Variants in KCNN3 observed in about 807,000 individuals in gnomAD.
KCNN3 encodes small conductance calcium-activated potassium channel protein 3.
Under a neutral mutation model 62.9 loss-of-function variants are expected in KCNN3, and 16 were observed. The observed-to-expected ratio is 0.25, with a 90% confidence interval of 0.17 to 0.39. KCNN3 has a LOEUF of 0.39. Ranked by LOEUF, KCNN3 falls within the 10% of genes least tolerant of loss-of-function variation. The pLI is 1.00. For synonymous variants in KCNN3, 370 were observed against 389.2 expected (o/e 0.95, Z 0.58); for missense variants, 599 against 949.4 (o/e 0.63, Z 4.85).
At chr1:154,821,004 G>A (rs1474612351) in intron 2 of KCNN3, among the ~76,000 whole-genome samples, 3 of 152,160 alleles carry the variant, frequency 2.0e-5, no homozygotes, top group African/African-American at 2.4e-5. Flanking sequence ...GGATTTGAAC[G>A]GTGTTGTTAA....
intron 2 of KCNN3, among the ~76,000 whole-genome samples, chr1:154,799,292 G>A (rs1223659634): frequency 6.6e-6 from 1 of 152,232 alleles, no homozygotes; most frequent in Non-Finnish European, 1.5e-5. Flanking sequence ...AAAGAGGTCA[G>A]TGGTCTCCAG....
intron 2 of KCNN3, among the ~76,000 whole-genome samples, chr1:154,778,237 T>C (rs1648873477): frequency 6.6e-6 from 1 of 152,212 alleles, no homozygotes; most frequent in Admixed American, 6.5e-5. Flanking sequence ...CAAACTTTCC[T>C]TTAAGGAGCT....
intron 1 of KCNN3, among the ~76,000 whole-genome samples, chr1:154,835,669 C>T (rs1651558402): frequency 6.6e-6 from 1 of 152,168 alleles, no homozygotes; most frequent in South Asian, 2.1e-4. Context: ...AATTTCTTGG[C>T]ACAGAGGAGG....
intron 2 of KCNN3, among the ~76,000 whole-genome samples, chr1:154,815,318 T>C (rs1650616366): frequency 2.0e-5 from 3 of 152,090 alleles, no homozygotes; most frequent in Middle Eastern, 3.2e-3. Flanking sequence ...AGGCACAGCT[T>C]CCTTCTCTTT....
At chr1:154,838,234 C>T (rs1023274692) in intron 1 of KCNN3, among the ~76,000 whole-genome samples, 1 of 152,148 alleles carries the variant, frequency 6.6e-6, no homozygotes, top group Non-Finnish European at 1.5e-5. Context: ...GACCCTGAGG[C>T]CTCGACTTGG....
chr1:154,758,856 G>A (rs1017512453), intron 3 of KCNN3, among the ~76,000 whole-genome samples: 2 of 152,078 alleles, frequency 1.3e-5, no homozygotes, highest in Non-Finnish European at 2.9e-5. Flanking sequence ...TGCCCAGGCT[G>A]GAGTGCAATG....
intron 1 of KCNN3, among the ~76,000 whole-genome samples, chr1:154,833,496 C>T (rs531480740): frequency 2.0e-5 from 3 of 152,276 alleles, no homozygotes; most frequent in Non-Finnish European, 2.9e-5. Flanking sequence ...TGCCAACAAA[C>T]GTGAGACAGT....
chr1:154,831,917 G>T (rs1651391096), intron 1 of KCNN3, among the ~76,000 whole-genome samples: 1 of 152,050 alleles, frequency 6.6e-6, no homozygotes, highest in African/African-American at 2.4e-5. Flanking sequence ...CAGGAGATCA[G>T]CTAGTTCCCC....
chr1:154,718,987 C>T (rs568106844), intron 5 of KCNN3, among the ~76,000 whole-genome samples: 35 of 152,268 alleles, frequency 2.3e-4, no homozygotes, highest in Admixed American at 3.9e-4. Context: ...AGCTCTTGGC[C>T]GCAGCATCCC....
At chr1:154,722,801 G>A (rs1700384045) in intron 5 of KCNN3, among the ~76,000 whole-genome samples, 2 of 150,176 alleles carry the variant, frequency 1.3e-5, no homozygotes, top group African/African-American at 4.9e-5. Flanking sequence ...GTGGGATCTC[G>A]GCTCACTGTA....
intron 2 of KCNN3, among the ~76,000 whole-genome samples, chr1:154,804,621 A>G (rs544518955): frequency 6.6e-6 from 1 of 152,286 alleles, no homozygotes; most frequent in East Asian, 1.9e-4. Flanking sequence ...GGGAATCGGT[A>G]TCTGCTGAAA....
chr1:154,714,297 GGT>G lies in KCNN3; in HGVS notation c.1829+577_1829+578del, dbSNP rs1339909461. On this transcript the variant is annotated intron_variant, in intron 6 of 7. Coordinates refer to ENST00000271915, the MANE Select transcript of KCNN3 (RefSeq NM_002249.6). ...GGTGTGTGTGGTGTGTGGTGTGTAT[GGT>G]GTGTGTGTGGTTTGTGTGAGGTGTG... Among the ~76,000 whole-genome samples the G allele has an allele frequency of 4.9e-5, 7 of 143,282 alleles. No individual in the cohort carries two copies. The East Asian group carries it at 1.1e-3, about 22-fold the overall frequency. 94.0% of individuals were successfully genotyped at this position (143,282 alleles called of 152,430 possible).
chr1:154,783,566 G>A (rs571566162), intron 2 of KCNN3, among the ~76,000 whole-genome samples: 1 of 152,352 alleles, frequency 6.6e-6, no homozygotes, highest in South Asian at 2.1e-4. Context: ...ACCCCAGCAT[G>A]TTTGCTAATG....
rs558698414 is a variant in KCNN3 at position 154,737,209 on chromosome 1, G to C, written c.1449-4065C>G. ...CTATTTTTTGCAATAGAAAATTTGG[G>C]GGGGGGGGATAGCTCCATGTTTTTC... is the stretch of plus-strand genomic sequence containing the variant. On this transcript the variant is annotated intron_variant, in intron 3 of 7. Transcript: ENST00000271915. 129 of 309,764 alleles carry C rather than the reference G, an allele frequency of 4.2e-4. 14 individuals carry two copies. The highest frequency in any genetic ancestry group is 1.1e-3 in the East Asian group (16 of 13,958). The allele number at this position is 309,764 out of a possible 1,614,324, so 19.2% of individuals were successfully genotyped here.
chr1:154,833,976 G>T (rs943327721), intron 1 of KCNN3, among the ~76,000 whole-genome samples: 1 of 152,226 alleles, frequency 6.6e-6, no homozygotes, highest in Non-Finnish European at 1.5e-5. Flanking sequence ...TCTCAGTGCG[G>T]CATAAGAAGT....
At chr1:154,791,658 G>A (rs957534773) in intron 2 of KCNN3, among the ~76,000 whole-genome samples, 8 of 152,216 alleles carry the variant, frequency 5.3e-5, no homozygotes, top group Admixed American at 2.0e-4. Flanking sequence ...GAAAGGCCCC[G>A]ATGTTAATTT....
chr1:154,763,103 A>C (rs1648097086), intron 3 of KCNN3, among the ~76,000 whole-genome samples: 1 of 152,120 alleles, frequency 6.6e-6, no homozygotes, highest in Non-Finnish European at 1.5e-5. Context: ...CTTCTCTTTC[A>C]AAAAAAGTTA....
At chr1:154,868,912 C>A (rs532378535) in intron 1 of KCNN3, 120 bp downstream of exon 1, 9 of 996,844 alleles carry the variant, frequency 9.0e-6, no homozygotes, top group Non-Finnish European at 1.1e-5. Context: ...CTCTCTCTCT[C>A]TCTCTCTCTC....
intron 2 of KCNN3, among the ~76,000 whole-genome samples, chr1:154,776,440 G>A (rs1286525619): frequency 6.6e-6 from 1 of 152,144 alleles, no homozygotes; most frequent in Non-Finnish European, 1.5e-5. Context: ...TTGAGTAGGG[G>A]GTGGGGGAGA....
Sources: allele counts gnomAD v4.1 joint callset (sites outside exome capture counted in the v4.1 genomes callset), GRCh38; gene constraint gnomAD v4.1.1; transcripts MANE v1.5; gene names NCBI Gene and HGNC (gene_info 2026-07-23, HGNC 2026-07-21).